Variants in PRPF31 observed in about 807,000 individuals in gnomAD.
The protein encoded by PRPF31 is pre-mRNA processing factor 31, also known as U4/U6 small nuclear ribonucleoprotein Prp31.
Under a neutral mutation model 60.4 loss-of-function variants are expected in PRPF31, and 12 were observed. That is an observed-to-expected ratio of 0.20 (90% CI 0.13 to 0.32). The LOEUF (loss-of-function observed/expected upper bound fraction) is 0.32. Among genes scored for constraint, PRPF31 ranks in the 10% least tolerant of loss-of-function variants. The probability of loss-of-function intolerance (pLI) is 1.00; values close to 1 mark genes in which losing one functional copy is unlikely to be tolerated. For missense variants in PRPF31, 431 were observed against 687.1 expected (o/e 0.63, Z 4.17); for synonymous variants, 287 against 287.9 (o/e 1.00, Z 0.03).
intron 8 of PRPF31, among the ~76,000 whole-genome samples, chr19:54,126,205 G>A (rs1157146912): frequency 6.6e-6 from 1 of 152,224 alleles, no homozygotes; most frequent in East Asian, 1.9e-4. Context: ...GATCCGAGGG[G>A]CGTGCTTAGC....
intron 7 of PRPF31, 84 bp from the exon 8 acceptor site, chr19:54,124,415 G>C: frequency 8.1e-7 from 1 of 1,239,886 alleles, no homozygotes; most frequent in Non-Finnish European, 1.2e-6. Context: ...CCCAGCACAC[G>C]TCGAGCCCCC....
chr19:54,118,091 G>T, intron 1 of PRPF31, 180 bp from the exon 2 acceptor site: 1 of 837,798 alleles, frequency 1.2e-6, no homozygotes, highest in East Asian at 2.4e-5. Flanking sequence ...GTCTTGCACA[G>T]GTCGGAGCTG....
intron 6 of PRPF31, 42 bp from the exon 7 acceptor site, chr19:54,123,707 C>T (rs769269090): frequency 2.0e-5 from 32 of 1,593,604 alleles, no homozygotes; most frequent in Non-Finnish European, 2.6e-5. Context: ...GCACACCAGG[C>T]AGGCGGGAGA....
chr19:54,124,476 T>G (rs1248977997), intron 7 of PRPF31, 23 bp from the exon 8 acceptor site: 20 of 1,371,186 alleles, frequency 1.5e-5, no homozygotes, highest in East Asian at 1.1e-4. Context: ...CCGCCCCCCC[T>G]TCCTCCCTCC....
At chr19:54,128,771 C>T (rs2073985327) in intron 11 of PRPF31, among the ~76,000 whole-genome samples, 1 of 152,168 alleles carries the variant, frequency 6.6e-6, no homozygotes, top group Non-Finnish European at 1.5e-5. Context: ...CCTATTAAAC[C>T]TGTTCTGGTT....
At position 54,123,788 on chromosome 19, in the gene PRPF31, G is replaced by A; in HGVS notation, c.567G>A (p.Glu189=). Residue 189 remains glutamate, a synonymous_variant, in exon 7 of 14, where the codon GAG becomes GAA. Coordinates refer to ENST00000321030, the MANE Select transcript of PRPF31 (RefSeq NM_015629.4). ...AGGAGGAGCTGGAGCGGCTGGAGGAGGCCTGCGACATGGCGCTGGAGCTGA... is the reference window on the plus strand; with the variant it reads ...AGGAGGAGCTGGAGCGGCTGGAGGAAGCCTGCGACATGGCGCTGGAGCTGA... The part of the protein sequence containing the change: ...LSEEELERLE[E]ACDMALELNA... 2 of 1,611,964 alleles carry A rather than the reference G, an allele frequency of 1.2e-6. No homozygotes were observed. Among genetic ancestry groups the A allele is most frequent in the Non-Finnish European group, 1.7e-6 (2 of 1,179,890 alleles).
chr19:54,128,205 G>C lies in PRPF31; in HGVS notation c.1073+5G>C. On this transcript the variant is annotated splice_donor_5th_base_variant and intron_variant, in intron 10 of 13. Coordinates refer to ENST00000321030, the MANE Select transcript of PRPF31 (RefSeq NM_015629.4). ...GAAGAAGCGAGGCGGCCGCAGGTGAGGGGCCCTGGGGGTCCGGTAGGCATG... is the reference window on the plus strand; with the variant it reads ...GAAGAAGCGAGGCGGCCGCAGGTGACGGGCCCTGGGGGTCCGGTAGGCATG... 1.3e-6 allele frequency: 2 copies of C among 1,570,068 alleles called. No homozygotes were observed. The highest frequency in any genetic ancestry group is 2.3e-5 in the South Asian group (2 of 85,442).
chr19:54,122,286 A>G, intron 4 of PRPF31: 1 of 677,030 alleles, frequency 1.5e-6, no homozygotes, highest in Non-Finnish European at 2.7e-6. Flanking sequence ...AGAACATGTC[A>G]CTGCAGCTCA....
At chr19:54,127,930 AG>A (rs2146442775) in intron 9 of PRPF31, 142 bp from the exon 10 acceptor site, 2 of 1,198,364 alleles carry the variant, frequency 1.7e-6, no homozygotes, top group Non-Finnish European at 2.4e-6. Flanking sequence ...AACACCAAGA[AG>A]AAAAAGAAAG....
Position 54,126,612 on chromosome 19 carries a change from G to A in PRPF31, c.940G>A (p.Gly314Arg), listed in dbSNP as rs1304806337. 3 of 1,613,444 alleles carry A rather than the reference G, an allele frequency of 1.9e-6. No individual in the cohort carries two copies. The highest frequency in any genetic ancestry group is 2.7e-5 in the African/African-American group (2 of 74,930). Residue 314 changes from glycine (G) to arginine (R), a missense_variant, in exon 9 of 14, where the codon GGG (glycine) becomes AGG (arginine). By Grantham distance (125) the Gly-to-Arg change is moderately radical. This residue lies in a region of PRPF31 where 314 missense variants were observed against 475.3 expected (regional missense o/e 0.66). Coordinates refer to ENST00000321030, the MANE Select transcript of PRPF31 (RefSeq NM_015629.4). ...GGACAGTTTCCACGAGAGCACAGAA[G>A]GGAAGGTGAGGAGGGAAAGGTGAGG... ...RVDSFHESTE[G>R]KVGYELKDEI... is the part of the protein sequence containing the mutation.
chr19:54,122,485 C>A lies in PRPF31; in HGVS notation c.323-12C>A. The A allele has an allele frequency of 6.2e-7, 1 of 1,602,950 alleles. No individual in the cohort carries two copies. The highest frequency in any genetic ancestry group is 8.5e-7 in the Non-Finnish European group (1 of 1,169,840). ...CATCTCACCCGACAACCTCCTGTCCCGTTTACCCTAGACATCATCCATAAG... is the reference window on the plus strand; with the variant it reads ...CATCTCACCCGACAACCTCCTGTCCAGTTTACCCTAGACATCATCCATAAG... On this transcript the variant is annotated splice_polypyrimidine_tract_variant and intron_variant, in intron 4 of 13. Transcript: ENST00000321030.
chr19:54,118,577 C>G lies in PRPF31; in HGVS notation c.182C>G (p.Ala61Gly), dbSNP rs140412357. 3.1e-5 allele frequency: 50 copies of G among 1,613,968 alleles called. No individual in the cohort carries two copies. Among genetic ancestry groups the G allele is most frequent in the Non-Finnish European group, 4.1e-5 (48 of 1,180,020 alleles). Reference protein sequence around the residue: ...IAKLWDSKMFAEIMMKIEEYI... With the variant: ...IAKLWDSKMFGEIMMKIEEYI... ...CTGTCTTCTCCTTTCCTACAGTTTG[C>G]TGAGATTATGATGAAGATTGAGGAG... The change falls in exon 3 of 14, where the codon GCT becomes GGT. Residue 61 changes from alanine (A) to glycine (G), a missense_variant. Coordinates refer to ENST00000321030, the MANE Select transcript of PRPF31 (RefSeq NM_015629.4).
chr19:54,123,074 AGAG>A (rs2073832804), intron 5 of PRPF31: 2 of 463,646 alleles, frequency 4.3e-6, no homozygotes, highest in Non-Finnish European at 7.9e-6. Flanking sequence ...GAGGGCGGGG[AGAG>A]GAGGAGGTCC....
intron 9 of PRPF31, 38 bp from the exon 10 acceptor site, chr19:54,128,035 C>T (rs587680646): frequency 3.2e-5 from 49 of 1,548,050 alleles, no homozygotes; most frequent in East Asian, 4.9e-5. Context: ...GGGCAGCCCA[C>T]GCGAGCAGCT....
In PRPF31 at chr19:54,123,766, A is replaced by G; in HGVS notation, c.545A>G (p.Glu182Gly). 1.9e-6 allele frequency: 3 copies of G among 1,611,176 alleles called. No individual in the cohort carries two copies. Among genetic ancestry groups the G allele is most frequent in the Non-Finnish European group, 2.5e-6 (3 of 1,179,550 alleles). The part of the protein sequence containing the change: ...STTQGQQLSE[E>G]ELERLEEACD... The stretch of plus-strand genomic sequence containing the variant: ...CCCTGCAGGCAGCAGCTGTCGGAGG[A>G]GGAGCTGGAGCGGCTGGAGGAGGCC... The change falls in exon 7 of 14, where the codon GAG becomes GGG. Residue 182 changes from glutamate (E) to glycine (G), a missense_variant. Glu to Gly is a moderately conservative substitution (Grantham distance 98). Transcript: ENST00000321030.
At position 54,129,041 on chromosome 19, in the gene PRPF31, C is replaced by G. The variant is rs1483537368; in HGVS notation, c.1147-16C>G. ...GCCTGGTCGCTGAACTGCAGGGCGC[C>G]TCCTCTCCCCCCTAGATCGAGGAGG... On this transcript the variant is annotated splice_polypyrimidine_tract_variant and intron_variant, in intron 11 of 13. Coordinates refer to ENST00000321030, the MANE Select transcript of PRPF31 (RefSeq NM_015629.4). The G allele has an allele frequency of 2.6e-6, 4 of 1,564,302 alleles. No homozygotes were observed. Among genetic ancestry groups the G allele is most frequent in the African/African-American group, 1.3e-5 (1 of 74,304 alleles).
intron 4 of PRPF31, 199 bp downstream of exon 4, chr19:54,122,142 G>A: frequency 1.5e-6 from 1 of 682,524 alleles, no homozygotes; most frequent in Non-Finnish European, 2.6e-6. Context: ...GGGATGGTGT[G>A]GCCGCTTGGC....
At position 54,123,908 on chromosome 19, in the gene PRPF31, C is replaced by G. The variant is rs755382635; in HGVS notation, c.687C>G (p.Ala229=). ...TCATTATCGGGGCATCCACGGCCGC[C>G]AAGATCATGGGTGAGTCCCCGGGCT... ...LSIIIGASTA[A]KIMGVAGGLT... Residue 229 remains alanine (A), a synonymous_variant, in exon 7 of 14, where the codon GCC becomes GCG. Transcript: ENST00000321030. 1.2e-6 allele frequency: 2 copies of G among 1,613,810 alleles called. No homozygotes were observed. The highest frequency in any genetic ancestry group is 2.7e-5 in the African/African-American group (2 of 75,048).
intron 13 of PRPF31, 53 bp downstream of exon 13, chr19:54,129,423 C>G: frequency 3.2e-6 from 5 of 1,539,320 alleles, no homozygotes; most frequent in Non-Finnish European, 4.4e-6. Flanking sequence ...GGCAAGGCCC[C>G]TTGCCCTCTG....
Sources: gnomAD v4.1 joint callset for allele counts (sites outside exome capture counted in the v4.1 genomes callset) on GRCh38, gnomAD v4.1.1 for gene constraint, gnomAD v4.1.1 regional missense constraint, MANE v1.5 for transcripts, NCBI Gene and HGNC (gene_info 2026-07-23, HGNC 2026-07-21) for gene names.